The following HS1BP3 variants were observed in gnomAD, a reference collection of about 807,000 sequenced individuals.
The protein encoded by HS1BP3 is HCLS1-binding protein 3.
HS1BP3 carries 32 observed loss-of-function variants against 33.5 expected under a neutral mutation model. The ratio of observed to expected loss-of-function variants is 0.95; its 90% CI spans 0.72 to 1.28. The LOEUF (loss-of-function observed/expected upper bound fraction) is 1.28. HS1BP3 is among the 50% of genes most tolerant of loss of function. The pLI, the probability that HS1BP3 is intolerant of heterozygous loss-of-function variation, is 0.00. For synonymous variants in HS1BP3, 187 were observed against 209.2 expected (o/e 0.89, Z 0.92); for missense variants, 486 against 502.3 (o/e 0.97, Z 0.31).
At chr2:20,569,636 C>T (rs1693217637) in intron 5 of HS1BP3, among the ~76,000 whole-genome samples, 1 of 152,250 alleles carries the variant, frequency 6.6e-6, no homozygotes, top group African/African-American at 2.4e-5. Flanking sequence ...AAACCCACAG[C>T]CATGCCTCTC....
At chr2:20,585,702 G>A (rs2149277261) in intron 5 of HS1BP3, among the ~76,000 whole-genome samples, 1 of 152,332 alleles carries the variant, frequency 6.6e-6, no homozygotes, top group Non-Finnish European at 1.5e-5. Context: ...TTAACGTCCT[G>A]CAGTGATCCC....
intron 4 of HS1BP3, among the ~76,000 whole-genome samples, chr2:20,627,501 G>A (rs994530973): frequency 1.3e-5 from 2 of 152,192 alleles, no homozygotes; most frequent in African/African-American, 2.4e-5. Flanking sequence ...CCCTTCCTAC[G>A]CCTGCACCTG....
intron 5 of HS1BP3, among the ~76,000 whole-genome samples, chr2:20,574,958 T>G (rs1408834378): frequency 1.3e-5 from 2 of 152,238 alleles, no homozygotes; most frequent in Non-Finnish European, 2.9e-5. Context: ...ACTGGGATGA[T>G]AATGTTGGCC....
intron 5 of HS1BP3, among the ~76,000 whole-genome samples, chr2:20,565,273 C>T (rs1413290477): frequency 6.6e-6 from 1 of 152,212 alleles, no homozygotes; most frequent in African/African-American, 2.4e-5. Context: ...TGCACACTCA[C>T]CCAGGGCAGC....
intron 4 of HS1BP3, among the ~76,000 whole-genome samples, chr2:20,626,660 GCCCATC>G (rs1694794967): frequency 1.3e-5 from 2 of 152,186 alleles, no homozygotes; most frequent in African/African-American, 4.8e-5. Context: ...CTCCAAGAAG[GCCCATC>G]TGCCTGGTCC....
chr2:20,610,269 C>T (rs1694292756), intron 2 of HS1BP3, among the ~76,000 whole-genome samples: 1 of 152,154 alleles, frequency 6.6e-6, no homozygotes, highest in African/African-American at 2.4e-5. Flanking sequence ...TGGTGCGGTG[C>T]ATTCTGTAGG....
chr2:20,617,499 C>T (rs770243132), downstream of HS1BP3, among the ~76,000 whole-genome samples: 8 of 152,140 alleles, frequency 5.3e-5, no homozygotes, highest in Non-Finnish European at 8.8e-5. Context: ...CAGGACAGGG[C>T]GCCACAGCTG....
At position 20,618,751 on chromosome 2, in the gene HS1BP3, G is replaced by C; in HGVS notation, c.*236C>G. 7.4e-7 allele frequency: 1 copy of C among 1,342,824 alleles called. No homozygotes were observed. The highest frequency in any genetic ancestry group is 2.1e-5 in the South Asian group (1 of 48,326). 83.2% of individuals were successfully genotyped at this position (1,342,824 alleles called of 1,614,324 possible). ...TCCCCTTCATGTCCACGGGGAATAA[G>C]ACACATTGGGCTCTGGCTCCTAGGG... is the stretch of plus-strand genomic sequence containing the variant. On this transcript the variant is annotated 3_prime_UTR_variant, in exon 7 of 7. Coordinates refer to ENST00000304031, the MANE Select transcript of HS1BP3 (RefSeq NM_022460.4).
intron 5 of HS1BP3, among the ~76,000 whole-genome samples, chr2:20,584,298 A>G (rs1171110860): frequency 3.3e-5 from 5 of 152,154 alleles, no homozygotes; most frequent in African/African-American, 9.7e-5. Context: ...TAATCACCCT[A>G]TATCTAGAGG....
intron 1 of HS1BP3, among the ~76,000 whole-genome samples, chr2:20,647,071 G>T (rs7585800): frequency 0.58 from 88,561 of 151,800 alleles, 25,898 homozygotes; most frequent in East Asian, 0.75. Context: ...GCACAGGGGG[G>T]TGAAAGTGAC....
chr2:20,622,122 G>T, intron 6 of HS1BP3: 2 of 1,195,078 alleles, frequency 1.7e-6, no homozygotes, highest in Non-Finnish European at 2.2e-6. Flanking sequence ...TACACCCCAC[G>T]CGGCCTCAGG....
chr2:20,620,541 G>A (rs528923627), intron 6 of HS1BP3, among the ~76,000 whole-genome samples: 17 of 152,334 alleles, frequency 1.1e-4, no homozygotes, highest in African/African-American at 3.8e-4. Flanking sequence ...AGGAGTAACA[G>A]TGTCACTGGC....
intron 4 of HS1BP3, among the ~76,000 whole-genome samples, chr2:20,633,654 C>A (rs1049292842): frequency 6.6e-6 from 1 of 152,204 alleles, no homozygotes. Flanking sequence ...TCCTGAGTAG[C>A]TGGGATTACA....
intron 5 of HS1BP3, among the ~76,000 whole-genome samples, chr2:20,584,693 G>A (rs1171249189): frequency 6.6e-6 from 1 of 152,200 alleles, no homozygotes; most frequent in South Asian, 2.1e-4. Context: ...ACATGGATCC[G>A]ATTGCACATT....
At chr2:20,610,509 A>T (rs988946714) in intron 2 of HS1BP3, among the ~76,000 whole-genome samples, 1 of 151,890 alleles carries the variant, frequency 6.6e-6, no homozygotes, top group South Asian at 2.1e-4. Context: ...AGTAATAGGC[A>T]TTTAAGTTTC....
At chr2:20,649,681 G>A (rs1033297208) in intron 1 of HS1BP3, among the ~76,000 whole-genome samples, 1 of 152,216 alleles carries the variant, frequency 6.6e-6, no homozygotes, top group Admixed American at 6.5e-5. Context: ...GGAAAGAGGA[G>A]CTGGGGTGCG....
At chr2:20,633,305 G>C (rs1008585006) in intron 4 of HS1BP3, among the ~76,000 whole-genome samples, 9 of 152,226 alleles carry the variant, frequency 5.9e-5, no homozygotes, top group Non-Finnish European at 1.2e-4. Flanking sequence ...AAGTGGGGCT[G>C]AGGCTGGAGG....
intron 4 of HS1BP3, among the ~76,000 whole-genome samples, chr2:20,626,295 C>CTCCCTGCTGGAAGGT (rs1694783160): frequency 1.3e-5 from 2 of 152,260 alleles, no homozygotes; most frequent in African/African-American, 4.8e-5. Context: ...GCCAGGAAGG[C>CTCCCTGCTGGAAGGT]TCCCTGCTGG....
At chr2:20,577,107 C>CA (rs1693419363) in intron 5 of HS1BP3, among the ~76,000 whole-genome samples, 1 of 152,190 alleles carries the variant, frequency 6.6e-6, no homozygotes, top group Non-Finnish European at 1.5e-5. Flanking sequence ...AAGGGCTTGT[C>CA]ACTGGGCCTA....
Sources: allele counts gnomAD v4.1 joint callset (sites outside exome capture counted in the v4.1 genomes callset), GRCh38; gene constraint gnomAD v4.1.1; transcripts MANE v1.5; gene names NCBI Gene and HGNC (gene_info 2026-07-23, HGNC 2026-07-21).